SDK1: variants seen among roughly 807,000 people sequenced by gnomAD.
SDK1 encodes protein sidekick-1.
SDK1 carries 157 observed loss-of-function variants against 245.5 expected under a neutral mutation model. The ratio of observed to expected loss-of-function variants is 0.64; its 90% CI spans 0.56 to 0.73. The LOEUF (loss-of-function observed/expected upper bound fraction) is 0.73. Ranked by LOEUF, SDK1 falls within the 30% of genes least tolerant of loss-of-function variation. SDK1 has a pLI of 0.00. For missense variants in SDK1, 3,583 were observed against 3,002.3 expected (o/e 1.19, Z -4.52); for synonymous variants, 1,647 against 1,278.5 (o/e 1.29, Z -6.15).
intron 1 of SDK1, among the ~76,000 whole-genome samples, chr7:3,463,932 C>G (rs913011763): frequency 6.6e-6 from 1 of 152,190 alleles, no homozygotes; most frequent in Non-Finnish European, 1.5e-5. Context: ...CATGTGTAAC[C>G]TCAGGGCTTT....
At chr7:4,177,869 G>C (rs559325179) in intron 34 of SDK1, among the ~76,000 whole-genome samples, 207 of 152,354 alleles carry the variant, frequency 1.4e-3, no homozygotes, top group African/African-American at 4.7e-3. Flanking sequence ...TCCCATCTTG[G>C]GGGGAGGGGA....
Position 3,967,334 on chromosome 7 carries a change from C to T in SDK1, c.1446C>T (p.Phe482=). The T allele has an allele frequency of 6.2e-7, 1 of 1,613,870 alleles. No homozygotes were observed. Among genetic ancestry groups the T allele is most frequent in the Non-Finnish European group, 8.5e-7 (1 of 1,179,750 alleles). ...TCTTCTCAGATATCGCTCCAGTGTT[C>T]ACCCAGCGGCCAGTGGACACCACAG... ...YLDVTNIAPV[F]TQRPVDTTVT... is the part of the protein sequence containing the mutation. Residue 482 remains phenylalanine (F), a synonymous_variant, in exon 10 of 45, where the codon TTC becomes TTT. Coordinates refer to ENST00000404826, the MANE Select transcript of SDK1 (RefSeq NM_152744.4).
intron 13 of SDK1, among the ~76,000 whole-genome samples, chr7:3,978,199 C>G (rs759035866): frequency 1.3e-5 from 2 of 151,972 alleles, no homozygotes; most frequent in African/African-American, 4.8e-5. Flanking sequence ...GATCATCCAT[C>G]GTTGGTATCA....
intron 4 of SDK1, among the ~76,000 whole-genome samples, chr7:3,650,359 C>G (rs1223639435): frequency 6.6e-6 from 1 of 152,190 alleles, no homozygotes; most frequent in Non-Finnish European, 1.5e-5. Flanking sequence ...ACTCCCCACT[C>G]CCTCCTTCCC....
At chr7:3,821,104 C>A (rs762929804) in intron 4 of SDK1, among the ~76,000 whole-genome samples, 16 of 152,162 alleles carry the variant, frequency 1.1e-4, no homozygotes, top group Non-Finnish European at 2.1e-4. Context: ...TGAAGGGATT[C>A]CTTCTAACTG....
chr7:3,595,712 G>T (rs1781031640), intron 1 of SDK1, among the ~76,000 whole-genome samples: 1 of 150,722 alleles, frequency 6.6e-6, no homozygotes, highest in Non-Finnish European at 1.5e-5. Flanking sequence ...TTCAAAGTTA[G>T]ACTTTGAACG....
intron 1 of SDK1, among the ~76,000 whole-genome samples, chr7:3,320,304 A>G (rs754986639): frequency 2.0e-5 from 3 of 151,626 alleles, no homozygotes; most frequent in Non-Finnish European, 4.4e-5. Flanking sequence ...ATCTCTTGTA[A>G]GTTCTCATAT....
At chr7:3,306,921 C>A (rs1246110241) in intron 1 of SDK1, among the ~76,000 whole-genome samples, 1 of 152,078 alleles carries the variant, frequency 6.6e-6, no homozygotes, top group Non-Finnish European at 1.5e-5. Context: ...TAGGTCACGG[C>A]TTAAATTTCT....
chr7:3,884,798 G>A (rs1781298215), intron 5 of SDK1, among the ~76,000 whole-genome samples: 1 of 152,170 alleles, frequency 6.6e-6, no homozygotes, highest in Non-Finnish European at 1.5e-5. Context: ...CTTCCAACTT[G>A]TGAAGGACAA....
Position 4,237,793 on chromosome 7 carries a change from C to A in SDK1, c.6130+9C>A, listed in dbSNP as rs201190988. The A allele has an allele frequency of 1.1e-3, 1,698 of 1,613,984 alleles. 2 individuals carry two copies. Among genetic ancestry groups the A allele is most frequent in the Non-Finnish European group, 1.4e-3 (1,619 of 1,179,912 alleles). On this transcript the variant is annotated intron_variant, in intron 42 of 44. Transcript: ENST00000404826. ...TAAGAACTGCAGCACAGGTGCAGGT[C>A]CAGCCCCTTCCTCGCGTGTCCCACG...
rs1313932692 is a variant in SDK1 at position 3,582,424 on chromosome 7, T to C, written c.299-36656T>C. On this transcript the variant is annotated intron_variant, in intron 1 of 44. Transcript: ENST00000404826. ...GGTAGGTCTCCCTCAGGTAGGTCTG[T>C]CTCAGGTAGGTCTGTCTCAGGTAGG... Among the ~76,000 whole-genome samples the C allele has an allele frequency of 2.4e-3, 322 of 131,478 alleles. 4 individuals carry two copies. Among genetic ancestry groups the C allele is most frequent in the African/African-American group, 7.3e-3 (255 of 34,736 alleles). 86.3% of individuals were successfully genotyped at this position (131,478 alleles called of 152,430 possible).
At chr7:3,391,718 C>T (rs959934651) in intron 1 of SDK1, among the ~76,000 whole-genome samples, 1 of 148,050 alleles carries the variant, frequency 6.8e-6, no homozygotes, top group Non-Finnish European at 1.5e-5. Flanking sequence ...CTCACTGCAA[C>T]CTCCGCTTGC....
At chr7:4,238,731 A>G (rs922036308) in intron 42 of SDK1, among the ~76,000 whole-genome samples, 4 of 151,738 alleles carry the variant, frequency 2.6e-5, no homozygotes, top group Non-Finnish European at 4.4e-5. Context: ...TATTTTTAAT[A>G]TGGATGGGGT....
At position 4,266,528 on chromosome 7, in the gene SDK1, G is replaced by T; in HGVS notation, c.*1144G>T. 1 of 985,284 alleles carries T rather than the reference G, an allele frequency of 1.0e-6. No individual in the cohort carries two copies. Among genetic ancestry groups the T allele is most frequent in the Non-Finnish European group, 1.2e-6 (1 of 829,918 alleles). 61.0% of individuals were successfully genotyped at this position (985,284 alleles called of 1,614,324 possible). A position where few individuals can be genotyped will look rare whatever the true frequency, so the allele number is the denominator to read the frequency against. On this transcript the variant is annotated 3_prime_UTR_variant, in exon 45 of 45. Coordinates refer to ENST00000404826, the MANE Select transcript of SDK1 (RefSeq NM_152744.4). ...GGCGCTGCTGCTGCCCCCTCTCCCAGTCCGAGGCCAGCTTTTAGCCTTAAC... is the reference window on the plus strand; with the variant it reads ...GGCGCTGCTGCTGCCCCCTCTCCCATTCCGAGGCCAGCTTTTAGCCTTAAC...
At chr7:3,912,620 C>T (rs564445461) in intron 5 of SDK1, among the ~76,000 whole-genome samples, 2 of 152,218 alleles carry the variant, frequency 1.3e-5, no homozygotes, top group African/African-American at 4.8e-5. Context: ...CTCTCCCAGG[C>T]AGGCATGGCT....
At chr7:3,683,459 TATAATG>T (rs1431361053) in intron 4 of SDK1, among the ~76,000 whole-genome samples, 1 of 152,232 alleles carries the variant, frequency 6.6e-6, no homozygotes, top group African/African-American at 2.4e-5. Context: ...CAGAGGTTAT[TATAATG>T]ATTTTTATGT....
chr7:3,774,898 A>C (rs1196407673), intron 4 of SDK1, among the ~76,000 whole-genome samples: 1 of 152,086 alleles, frequency 6.6e-6, no homozygotes, highest in African/African-American at 2.4e-5. Flanking sequence ...AAATTATCAC[A>C]CTCATGCATT....
Position 4,064,608 on chromosome 7 carries a change from A to G in SDK1, c.2912-3230A>G, listed in dbSNP as rs532495246. Among the ~76,000 whole-genome samples the G allele has an allele frequency of 2.6e-5, 4 of 152,230 alleles. No individual in the cohort carries two copies. The East Asian group carries it at 7.7e-4, about 29-fold the overall frequency. ...AGTCAGTGCATCAAAGGATACCCAT[A>G]CCCCATGCTTACTGCAGCACCATTC... On this transcript the variant is annotated intron_variant, in intron 19 of 44. Transcript: ENST00000404826.
At chr7:3,574,793 C>T (rs1489468448) in intron 1 of SDK1, among the ~76,000 whole-genome samples, 1 of 152,000 alleles carries the variant, frequency 6.6e-6, no homozygotes, top group African/African-American at 2.4e-5. Context: ...AATAAGGAGA[C>T]AGATGATGAA....
Sources: gnomAD v4.1 joint callset for allele counts (sites outside exome capture counted in the v4.1 genomes callset) on GRCh38, gnomAD v4.1.1 for gene constraint, MANE v1.5 for transcripts, NCBI Gene and HGNC (gene_info 2026-07-23, HGNC 2026-07-21) for gene names.